Variants in RIF1 observed in about 807,000 individuals in gnomAD.
The protein encoded by RIF1 is replication timing regulatory factor 1.
A neutral mutation model predicts 247.1 loss-of-function variants in RIF1; 45 were observed. The ratio of observed to expected loss-of-function variants is 0.18; its 90% CI spans 0.14 to 0.23. RIF1 has a LOEUF of 0.23. Among genes scored for constraint, RIF1 ranks in the 10% least tolerant of loss-of-function variants. RIF1 has a pLI of 1.00. For missense variants in RIF1, 2,967 were observed against 2,862.5 expected, an observed-to-expected ratio of 1.04 and a Z score of -0.83; for synonymous variants, 1,087 against 978.8, an observed-to-expected ratio of 1.11 and a Z score of -2.06.
At chr2:151,420,447 TC>T in intron 7 of RIF1, 68 bp downstream of exon 7, 1 of 1,482,298 alleles carries the variant, frequency 6.7e-7, no homozygotes, top group South Asian at 1.2e-5. Context: ...AGCTTAAAAT[TC>T]AGTCTGGTGG....
Position 151,454,887 on chromosome 2 carries a change from G to A in RIF1, c.2345-8G>A. ...TGAGTTTTTAATTAATTCAGTTTTT[G>A]TTTTTAGCACCACAGAGACCTTCAG... On this transcript the variant is annotated splice_polypyrimidine_tract_variant and splice_region_variant and intron_variant, in intron 21 of 35. Transcript: ENST00000444746. 1 of 1,544,186 alleles carries A rather than the reference G, an allele frequency of 6.5e-7. No homozygotes were observed. The highest frequency in any genetic ancestry group is 1.4e-5 in the African/African-American group (1 of 71,788).
At chr2:151,512,648 A>C, downstream of RIF1, 1 of 982,100 alleles carries the variant, frequency 1.0e-6, no homozygotes, top group South Asian at 1.4e-5. Flanking sequence ...TGATCTGAAG[A>C]ATCTCTTAAG....
In RIF1 at chr2:151,463,030, T is replaced by C; in HGVS notation, c.3510T>C (p.Asn1170=). ...GTCCAGAAATGTCAAACAGTAATAA[T>C]GATGAAAGAAAAAAAGCTTTAATTT... ...KTSPEMSNSN[N]DERKKALISS... The change falls in exon 30 of 36, where the codon AAT becomes AAC. Residue 1170 remains asparagine, a synonymous_variant. Transcript: ENST00000444746. The C allele has an allele frequency of 4.3e-6, 7 of 1,613,894 alleles. No individual in the cohort carries two copies. The highest frequency in any genetic ancestry group is 5.9e-6 in the Non-Finnish European group (7 of 1,179,862).
chr2:151,493,824 AAGGGTGTGG>A (rs1559159701), intron 9 of RIF1: 4 of 1,588,598 alleles, frequency 2.5e-6, no homozygotes, highest in Non-Finnish European at 3.4e-6. Context: ...CTCAGGAGTA[AAGGGTGTGG>A]GGGTTGCTTT....
At chr2:151,502,656 A>C (rs2065625073) in intron 11 of RIF1, 1 of 641,390 alleles carries the variant, frequency 1.6e-6, no homozygotes, top group Non-Finnish European at 2.7e-6. Flanking sequence ...ATACTAAATT[A>C]GATTTGGGTT....
At chr2:151,500,946 G>C (rs2064004889) in intron 11 of RIF1, among the ~76,000 whole-genome samples, 1 of 152,010 alleles carries the variant, frequency 6.6e-6, no homozygotes, top group Non-Finnish European at 1.5e-5. Flanking sequence ...TTTCTTTCTT[G>C]GTGCTATTGT....
intron 10 of RIF1, chr2:151,497,675 A>G: frequency 6.3e-7 from 1 of 1,586,238 alleles, no homozygotes; most frequent in Non-Finnish European, 8.6e-7. Flanking sequence ...CTCGGGAGTG[A>G]CAGGTAAAGG....
intron 20 of RIF1, among the ~76,000 whole-genome samples, chr2:151,449,819 G>A (rs566610646): frequency 6.0e-5 from 9 of 149,118 alleles, no homozygotes; most frequent in East Asian, 5.9e-4. Flanking sequence ...ACTGCCATCA[G>A]TGATCATATA....
the RIF1 span, among the ~76,000 whole-genome samples, chr2:151,533,254 C>T: frequency 2.0e-5 from 3 of 152,186 alleles, no homozygotes; most frequent in African/African-American, 4.8e-5. Context: ...AGATGATGTA[C>T]GGATGACCAC....
At chr2:151,423,314 T>C (rs1688482151) in intron 8 of RIF1, 1 of 325,074 alleles carries the variant, frequency 3.1e-6, no homozygotes, top group African/African-American at 2.2e-5. Context: ...TCTGCCTTTT[T>C]GTTTTAGTTC....
At chr2:151,435,408 T>C (rs1424186000) in intron 10 of RIF1, 55 bp from the exon 11 acceptor site, 3 of 994,380 alleles carry the variant, frequency 3.0e-6, no homozygotes, top group Non-Finnish European at 4.7e-6. Flanking sequence ...GTGAGGCTTT[T>C]AAAAACTGTG....
At chr2:151,526,118 C>G in the RIF1 span, 1 of 1,612,442 alleles carries the variant, frequency 6.2e-7, no homozygotes, top group African/African-American at 1.3e-5. Context: ...GGGGCGTTCT[C>G]CCAAGAGGGA....
chr2:151,493,993 A>C, intron 9 of RIF1: 1 of 889,872 alleles, frequency 1.1e-6, no homozygotes, highest in South Asian at 1.7e-5. Flanking sequence ...CTCAAGAAGA[A>C]AGCTTAAAAA....
At chr2:151,517,778 G>T in the RIF1 span, among the ~76,000 whole-genome samples, 1 of 152,098 alleles carries the variant, frequency 6.6e-6, no homozygotes, top group African/African-American at 2.4e-5. Flanking sequence ...GTAAAAATAT[G>T]GTATTAAAGG....
intron 7 of RIF1, among the ~76,000 whole-genome samples, chr2:151,421,520 C>T (rs886361211): frequency 2.0e-5 from 3 of 152,028 alleles, no homozygotes; most frequent in Non-Finnish European, 4.4e-5. Context: ...ATGGCAGGGA[C>T]CATTGTAAGG....
At chr2:151,496,973 T>C in intron 10 of RIF1, 1 of 1,580,908 alleles carries the variant, frequency 6.3e-7, no homozygotes, top group Non-Finnish European at 8.6e-7. Flanking sequence ...TGTTTGACTC[T>C]CTCCATCTCA....
In RIF1 at chr2:151,429,686, T is replaced by A. The variant is rs577634221; in HGVS notation, c.925+764T>A. On this transcript the variant is annotated intron_variant, in intron 9 of 35. Coordinates refer to ENST00000444746, the MANE Select transcript of RIF1 (RefSeq NM_018151.5). ...AATATCAGTGATCGATGACCTTACT[T>A]CTTTCAGGATCTCTAGAAGAGTACC... Among the ~76,000 whole-genome samples the A allele has an allele frequency of 2.0e-5, 3 of 152,330 alleles. No individual in the cohort carries two copies. The South Asian group carries it at 6.2e-4, about 32-fold the overall frequency.
At chr2:151,529,372 T>G in the RIF1 span, 2 of 1,122,834 alleles carry the variant, frequency 1.8e-6, no homozygotes, top group Non-Finnish European at 2.7e-6. Flanking sequence ...ACTGAGCATC[T>G]TAAAAAACAA....
rs2153022914 is a variant in RIF1, at chr2:151,499,385, C to T, written c.*554C>T. ...TCCCTTTTCCAACGTTTTCTTTATA[C>T]AACACCTGTATGACACAAGAAAGCA... On this transcript the variant is annotated 3_prime_UTR_variant and NMD_transcript_variant, in exon 11 of 14. Transcript: ENST00000454583. The T allele has an allele frequency of 6.5e-7, 1 of 1,528,562 alleles. No homozygotes were observed. The highest frequency in any genetic ancestry group is 1.2e-5 in the South Asian group (1 of 83,558). 94.7% of individuals were successfully genotyped at this position (1,528,562 alleles called of 1,614,324 possible). A position where few individuals can be genotyped will look rare whatever the true frequency, so the allele number is the denominator to read the frequency against.
Sources: allele counts gnomAD v4.1 joint callset (sites outside exome capture counted in the v4.1 genomes callset), GRCh38; gene constraint gnomAD v4.1.1; transcripts MANE v1.5; gene names NCBI Gene and HGNC (gene_info 2026-07-23, HGNC 2026-07-21).